Variants in CDH22 observed in about 807,000 individuals in gnomAD.
CDH22 encodes cadherin-22.
A neutral mutation model predicts 58.4 loss-of-function variants in CDH22; 30 were observed. The ratio of observed to expected loss-of-function variants is 0.51; its 90% CI spans 0.38 to 0.70. CDH22 has a LOEUF of 0.70. Ranked by LOEUF, CDH22 falls within the 30% of genes least tolerant of loss-of-function variation. The pLI, the probability that CDH22 is intolerant of heterozygous loss-of-function variation, is 0.00. For missense variants in CDH22, 1,014 were observed against 1,233.9 expected (o/e 0.82, Z 2.67); for synonymous variants, 513 against 558.2 (o/e 0.92, Z 1.14).
chr20:46,213,152 A>G lies in CDH22; in HGVS notation c.875T>C (p.Ile292Thr), dbSNP rs1461885137. The G allele has an allele frequency of 1.2e-6, 2 of 1,613,946 alleles. No individual in the cohort carries two copies. Among genetic ancestry groups the G allele is most frequent in the Admixed American group, 1.7e-5 (1 of 59,984 alleles). Reference protein sequence around the residue: ...YQFSIQESAPIGTAVGRVKAE... With the variant: ...YQFSIQESAPTGTAVGRVKAE... ...CTTCACACGTCCCACAGCCGTTCCA[A>G]TGGGGGCTGACTCCTGGATGCTGAA... Residue 292 changes from isoleucine (I) to threonine (T), a missense_variant, in exon 6 of 12, where the codon ATT becomes ACT. Ile to Thr is a moderately conservative substitution (Grantham distance 89). Transcript: ENST00000537909.
At chr20:46,298,106 C>A (rs2086636684) in intron 1 of CDH22, among the ~76,000 whole-genome samples, 1 of 152,220 alleles carries the variant, frequency 6.6e-6, no homozygotes, top group Non-Finnish European at 1.5e-5. Context: ...CTTCAGACAC[C>A]TGTAATGATC....
At chr20:46,286,389 C>A (rs2086576984) in intron 1 of CDH22, among the ~76,000 whole-genome samples, 1 of 152,154 alleles carries the variant, frequency 6.6e-6, no homozygotes, top group Non-Finnish European at 1.5e-5. Context: ...CAGTCTCACC[C>A]CATTAGCGCT....
chr20:46,251,642 T>G lies in CDH22; in HGVS notation c.-348A>C. On this transcript the variant is annotated 5_prime_UTR_variant, in exon 2 of 12. Transcript: ENST00000537909. The surrounding 1 kb of genome is among the most constrained non-coding windows in gnomAD (Gnocchi z 6.7). ...GTTCCTGCGCAGAAAGGATGCGGGT[T>G]GGGGCCGGCAGATCCTGCCAGGACT... 5.2e-6 allele frequency: 1 copy of G among 191,478 alleles called. No individual in the cohort carries two copies. Among genetic ancestry groups the G allele is most frequent in the Non-Finnish European group, 1.1e-5 (1 of 94,682 alleles). The allele number at this position is 191,478 out of a possible 1,614,324, so 11.9% of individuals were successfully genotyped here.
rs187000663 is a variant in CDH22 at position 46,253,261 on chromosome 20, C to T, written c.-399-1568G>A. Among the ~76,000 whole-genome samples the T allele has an allele frequency of 5.5e-3, 834 of 152,308 alleles. 1 individual carries two copies. The highest frequency in any genetic ancestry group is 0.014 in the Middle Eastern group (4 of 294). On this transcript the variant is annotated intron_variant, in intron 1 of 11. Transcript: ENST00000537909. ...GCCTATTTTGCAGATGCCTAATTCC[C>T]CAGTGCTTTTTTTTCTAGCATCTCC... is the stretch of plus-strand genomic sequence containing the variant.
At chr20:46,183,065 T>C (rs2085800675) in intron 10 of CDH22, among the ~76,000 whole-genome samples, 1 of 151,698 alleles carries the variant, frequency 6.6e-6, no homozygotes, top group Non-Finnish European at 1.5e-5. Context: ...CTCGGGCCCC[T>C]TGGGTTGGAA....
At chr20:46,298,017 C>T (rs1303489111) in intron 1 of CDH22, among the ~76,000 whole-genome samples, 1 of 152,114 alleles carries the variant, frequency 6.6e-6, no homozygotes, top group Non-Finnish European at 1.5e-5. Context: ...CCACAAATGT[C>T]CCACTCTGCA....
chr20:46,236,558 A>T (rs56290328), intron 3 of CDH22, among the ~76,000 whole-genome samples: 6 of 139,118 alleles, frequency 4.3e-5, no homozygotes, highest in African/African-American at 1.3e-4. Flanking sequence ...TATAAATATA[A>T]AAATAAATAT....
At chr20:46,233,829 C>A (rs895867061) in intron 3 of CDH22, among the ~76,000 whole-genome samples, 1 of 152,240 alleles carries the variant, frequency 6.6e-6, no homozygotes, top group Non-Finnish European at 1.5e-5. Context: ...GTGGTGAGAG[C>A]CAGTGCCGTT....
intron 8 of CDH22, among the ~76,000 whole-genome samples, chr20:46,190,108 C>T (rs907983152): frequency 1.3e-5 from 2 of 152,176 alleles, no homozygotes; most frequent in African/African-American, 4.8e-5. Flanking sequence ...GGAAAATAAT[C>T]GTATTTTGCC....
intron 2 of CDH22, among the ~76,000 whole-genome samples, chr20:46,248,348 G>A (rs1011364451): frequency 6.6e-6 from 1 of 152,236 alleles, no homozygotes; most frequent in African/African-American, 2.4e-5. Flanking sequence ...TGGGCAGACA[G>A]CAAGGCTGAA....
At chr20:46,290,172 G>A (rs938380495) in intron 1 of CDH22, among the ~76,000 whole-genome samples, 1 of 152,174 alleles carries the variant, frequency 6.6e-6, no homozygotes, top group Non-Finnish European at 1.5e-5. Context: ...TCAACTTGAG[G>A]GGCTCAACTT....
chr20:46,303,328 G>A (rs1238216248), intron 1 of CDH22, among the ~76,000 whole-genome samples: 1 of 152,018 alleles, frequency 6.6e-6, no homozygotes, highest in Non-Finnish European at 1.5e-5. Flanking sequence ...ATAGATAACT[G>A]CGAGACAGCC....
intron 1 of CDH22, among the ~76,000 whole-genome samples, chr20:46,264,958 AC>A (rs2145751631): frequency 6.6e-6 from 1 of 152,122 alleles, no homozygotes; most frequent in African/African-American, 2.4e-5. Context: ...AGCACTGCTC[AC>A]CTGCCCAGGG....
At chr20:46,278,672 C>A (rs1295711661) in intron 1 of CDH22, among the ~76,000 whole-genome samples, 2 of 152,150 alleles carry the variant, frequency 1.3e-5, no homozygotes, top group Non-Finnish European at 2.9e-5. Context: ...GCAGCCCTGA[C>A]CTCCCAGGCT....
intron 8 of CDH22, among the ~76,000 whole-genome samples, chr20:46,198,740 G>C (rs1827930002): frequency 6.6e-6 from 1 of 152,142 alleles, no homozygotes; most frequent in South Asian, 2.1e-4. Context: ...TGGCCTCTTT[G>C]CTGTTCCTCC....
At chr20:46,287,258 A>T (rs1280097953) in intron 1 of CDH22, among the ~76,000 whole-genome samples, 1 of 152,218 alleles carries the variant, frequency 6.6e-6, no homozygotes, top group African/African-American at 2.4e-5. Flanking sequence ...AGCTAAAAAG[A>T]TATGTGAATC....
At chr20:46,244,804 G>T (rs2086316884) in intron 2 of CDH22, among the ~76,000 whole-genome samples, 1 of 152,172 alleles carries the variant, frequency 6.6e-6, no homozygotes, top group Middle Eastern at 3.2e-3. Flanking sequence ...CCAGTCTTTT[G>T]CCCTGTGCCG....
intron 8 of CDH22, among the ~76,000 whole-genome samples, chr20:46,198,287 GACACACACACACACACAC>G (rs368091518): frequency 1.1e-4 from 14 of 128,704 alleles, no homozygotes; most frequent in African/African-American, 3.5e-4. Context: ...GCACCAAAAA[GACACACACACACACACAC>G]ACACACACAC....
chr20:46,236,226 G>A (rs1389670880), intron 3 of CDH22, among the ~76,000 whole-genome samples: 1 of 151,976 alleles, frequency 6.6e-6, no homozygotes, highest in African/African-American at 2.4e-5. Flanking sequence ...AGCCAGAAAC[G>A]CTGGGGGGGA....
Sources: allele counts gnomAD v4.1 joint callset (sites outside exome capture counted in the v4.1 genomes callset), GRCh38; gene constraint gnomAD v4.1.1; non-coding constraint Gnocchi (gnomAD v3.1); transcripts MANE v1.5; gene names NCBI Gene and HGNC (gene_info 2026-07-23, HGNC 2026-07-21).